SLC38A6: variants seen among roughly 807,000 people sequenced by gnomAD.
SLC38A6 encodes solute carrier family 38 member 6.
A neutral mutation model predicts 65.0 loss-of-function variants in SLC38A6; 73 were observed. That is an observed-to-expected ratio of 1.12 (90% CI 0.93 to 1.37). The LOEUF is 1.37. Among genes scored for constraint, SLC38A6 ranks in the 40% most tolerant of loss-of-function variants. The probability of loss-of-function intolerance (pLI) is 0.00; values close to 1 mark genes in which losing one functional copy is unlikely to be tolerated. For missense variants in SLC38A6, 561 were observed against 531.1 expected, an observed-to-expected ratio of 1.06 and a Z score of -0.55; for synonymous variants, 183 against 178.8, an observed-to-expected ratio of 1.02 and a Z score of -0.19.
chr14:61,042,273 G>A (rs1201131791), intron 8 of SLC38A6, among the ~76,000 whole-genome samples: 3 of 152,202 alleles, frequency 2.0e-5, no homozygotes, highest in African/African-American at 7.2e-5. Flanking sequence ...CCAAAACTAG[G>A]TAAATACCAA....
intron 6 of SLC38A6, among the ~76,000 whole-genome samples, chr14:61,033,115 A>G (rs1239112759): frequency 2.0e-5 from 3 of 151,960 alleles, no homozygotes; most frequent in Non-Finnish European, 4.4e-5. Flanking sequence ...TTAACATTTA[A>G]TGATCTTGTC....
rs899379683 is a variant in SLC38A6, at chr14:61,066,514, GA to G, written c.1291-12286del. Among the ~76,000 whole-genome samples, 15 of 145,360 alleles carry G rather than the reference GA, an allele frequency of 1.0e-4. 1 individual carries two copies. Among genetic ancestry groups the G allele is most frequent in the Middle Eastern group, 3.4e-3 (1 of 290 alleles). On this transcript the variant is annotated intron_variant, in intron 15 of 16. Coordinates refer to the SLC38A6 transcript ENST00000354886. The stretch of plus-strand genomic sequence containing the variant: ...GAAAGGAAAATTGAGTTGCCAGGGA[GA>G]AAAAAAAAACACAAAAACAGATGGA...
chr14:60,990,115 C>T (rs1218636268), intron 3 of SLC38A6, among the ~76,000 whole-genome samples: 1 of 151,958 alleles, frequency 6.6e-6, no homozygotes, highest in Non-Finnish European at 1.5e-5. Flanking sequence ...CTGTAACCTC[C>T]GTCCTGCAGG....
At chr14:61,070,962 G>A (rs1261383055) in intron 15 of SLC38A6, among the ~76,000 whole-genome samples, 4 of 151,908 alleles carry the variant, frequency 2.6e-5, no homozygotes, top group African/African-American at 4.8e-5. Context: ...TCAGATATGC[G>A]GTTTGCAAAT....
chr14:61,072,949 C>T (rs1021001122), intron 15 of SLC38A6, among the ~76,000 whole-genome samples: 1 of 152,168 alleles, frequency 6.6e-6, no homozygotes, highest in Non-Finnish European at 1.5e-5. Flanking sequence ...TTTGAGGAAC[C>T]TCCAAACTGT....
chr14:61,021,442 C>T (rs1021985184), intron 5 of SLC38A6, among the ~76,000 whole-genome samples: 3 of 152,056 alleles, frequency 2.0e-5, no homozygotes, highest in Admixed American at 6.6e-5. Flanking sequence ...TTTTCTTATT[C>T]GGAGTACCCT....
At chr14:61,036,114 C>T (rs1359794234) in intron 6 of SLC38A6, among the ~76,000 whole-genome samples, 1 of 151,478 alleles carries the variant, frequency 6.6e-6, no homozygotes, top group Non-Finnish European at 1.5e-5. Flanking sequence ...ATTATTTTAC[C>T]ACCCAGAGAT....
chr14:61,006,966 A>G (rs1233424848), intron 3 of SLC38A6, among the ~76,000 whole-genome samples: 1 of 152,230 alleles, frequency 6.6e-6, no homozygotes, highest in African/African-American at 2.4e-5. Context: ...AATGTGGCAC[A>G]TATACACCAT....
rs533277640 is a variant in SLC38A6, at chr14:61,003,871, T to C, written c.311-12033T>C. Among the ~76,000 whole-genome samples, 3 of 152,300 alleles carry C rather than the reference T, an allele frequency of 2.0e-5. No individual in the cohort carries two copies. The South Asian group carries it at 6.2e-4, about 32-fold the overall frequency. On this transcript the variant is annotated intron_variant, in intron 3 of 15. Transcript: ENST00000267488. ...GAAAGGAATGACTAGCTAGATATGCTGACCGGAAAGCTAGAATTAGGATTT... is the reference window on the plus strand; with the variant it reads ...GAAAGGAATGACTAGCTAGATATGCCGACCGGAAAGCTAGAATTAGGATTT...
At chr14:61,041,957 T>C (rs936099393) in intron 8 of SLC38A6, among the ~76,000 whole-genome samples, 39 of 151,222 alleles carry the variant, frequency 2.6e-4, no homozygotes. Flanking sequence ...CTCATCCTCA[T>C]CGTTTTTTTT....
chr14:61,016,384 G>T (rs1474922550), intron 4 of SLC38A6, among the ~76,000 whole-genome samples: 1 of 152,088 alleles, frequency 6.6e-6, no homozygotes, highest in Non-Finnish European at 1.5e-5. Context: ...CTTAAGAATT[G>T]AACATTGCTA....
At chr14:61,046,810 A>G (rs1316799924) in intron 12 of SLC38A6, among the ~76,000 whole-genome samples, 1 of 152,184 alleles carries the variant, frequency 6.6e-6, no homozygotes, top group Non-Finnish European at 1.5e-5. Flanking sequence ...AACCTCAAGA[A>G]AAAGTAAAGT....
chr14:61,072,144 G>A (rs748429762), intron 15 of SLC38A6, among the ~76,000 whole-genome samples: 8 of 152,178 alleles, frequency 5.3e-5, no homozygotes, highest in Non-Finnish European at 1.2e-4. Flanking sequence ...ACCCTCTGGA[G>A]GGGAGGAATA....
At chr14:60,987,168 CCT>C in intron 3 of SLC38A6, 2 of 216,312 alleles carry the variant, frequency 9.2e-6, no homozygotes, top group Non-Finnish European at 1.8e-5. Context: ...GTAGGCTTTT[CCT>C]TTTTTTTTTT....
chr14:61,027,309 TG>T (rs2040662765), intron 5 of SLC38A6, among the ~76,000 whole-genome samples: 1 of 152,150 alleles, frequency 6.6e-6, no homozygotes, highest in Non-Finnish European at 1.5e-5. Context: ...TTGGCTTTGG[TG>T]GTTTGGGGCC....
At chr14:60,989,971 C>G (rs529839409) in intron 3 of SLC38A6, among the ~76,000 whole-genome samples, 1 of 152,096 alleles carries the variant, frequency 6.6e-6, no homozygotes, top group South Asian at 2.1e-4. Context: ...CTTAATCTCC[C>G]CATCCTCTAA....
chr14:60,982,591 C>T lies in SLC38A6; in HGVS notation c.189C>T (p.Ile63=), dbSNP rs370008636. ...TGAATGCCATCATGGGAAGTGGCAT[C>T]CTTGGCTTAGCTTATGTTTTGGCTA... The part of the protein sequence containing the change: ...NLMNAIMGSG[I]LGLAYVLANT... Residue 63 remains isoleucine (I), a synonymous_variant, in exon 2 of 16, where the codon ATC becomes ATT. Coordinates refer to ENST00000267488, the MANE Select transcript of SLC38A6 (RefSeq NM_153811.3). 1 of 1,613,934 alleles carries T rather than the reference C, an allele frequency of 6.2e-7. No homozygotes were observed. The highest frequency in any genetic ancestry group is 1.7e-5 in the Admixed American group (1 of 60,012).
chr14:61,052,580 G>T lies in SLC38A6; in HGVS notation c.*151G>T. ...AATGGCAGTGGGTATGGGGAAGTAA[G>T]AGTGTGGCAGTTTTAATCAAAAAAA... On this transcript the variant is annotated 3_prime_UTR_variant, in exon 16 of 16. Coordinates refer to ENST00000267488, the MANE Select transcript of SLC38A6 (RefSeq NM_153811.3). 1 of 1,126,964 alleles carries T rather than the reference G, an allele frequency of 8.9e-7. No individual in the cohort carries two copies. The highest frequency in any genetic ancestry group is 1.2e-6 in the Non-Finnish European group (1 of 860,106). The allele number at this position is 1,126,964 out of a possible 1,614,324, so 69.8% of individuals were successfully genotyped here.
At chr14:61,009,934 C>G (rs1256407570) in intron 3 of SLC38A6, among the ~76,000 whole-genome samples, 1 of 152,166 alleles carries the variant, frequency 6.6e-6, no homozygotes, top group African/African-American at 2.4e-5. Context: ...ATTTCTAGTT[C>G]TAGATCCCTG....
Sources: gnomAD v4.1 joint callset for allele counts (sites outside exome capture counted in the v4.1 genomes callset) on GRCh38, gnomAD v4.1.1 for gene constraint, MANE v1.5 for transcripts, NCBI Gene and HGNC (gene_info 2026-07-23, HGNC 2026-07-21) for gene names.